RBM47: variants seen among roughly 807,000 people sequenced by gnomAD.
RBM47 encodes RNA binding motif protein 47, also known as RNA-binding protein 47.
In RBM47, 21 loss-of-function variants were observed where a neutral mutation model predicts 47.1. That is an observed-to-expected ratio of 0.45 (90% confidence interval 0.32 to 0.64). RBM47 has a LOEUF of 0.64. RBM47 is among the 30% of genes least tolerant of loss of function. The probability of loss-of-function intolerance (pLI) is 0.05; values close to 1 mark genes in which losing one functional copy is unlikely to be tolerated. For missense variants in RBM47, 708 were observed against 870.9 expected (o/e 0.81, Z 2.35); for synonymous variants, 375 against 361.7 (o/e 1.04, Z -0.42).
At chr4:40,545,368 A>AAGAG (rs923954999) in intron 1 of RBM47, among the ~76,000 whole-genome samples, 7 of 146,380 alleles carry the variant, frequency 4.8e-5, no homozygotes, top group African/African-American at 1.7e-4. Context: ...CTGTCTTTAA[A>AAGAG]AGAGAGAGAG....
At chr4:40,469,728 C>T (rs1265249919) in intron 2 of RBM47, among the ~76,000 whole-genome samples, 2 of 151,948 alleles carry the variant, frequency 1.3e-5, no homozygotes, top group African/African-American at 4.8e-5. Context: ...TCCTGTGTTA[C>T]TTGAATAGCC....
chr4:40,553,778 C>T lies in RBM47; in HGVS notation c.-239-9272G>A, dbSNP rs79651019. On this transcript the variant is annotated intron_variant, in intron 1 of 6. Coordinates refer to ENST00000295971, the MANE Select transcript of RBM47 (RefSeq NM_001098634.2). ...CCCCTGGTTGGAGAGATAATAAGCC[C>T]TTAATCAAACCTGTTCCAAGACTTT... 9.5e-3 allele frequency among the ~76,000 whole-genome samples: 1,453 copies of T among 152,168 alleles called. 33 individuals are homozygous for T. The highest frequency in any genetic ancestry group is 0.033 in the African/African-American group (1,390 of 41,500).
chr4:40,432,809 G>A lies in RBM47; in HGVS notation c.1384C>T (p.Pro462Ser), dbSNP rs1488048190. 3 of 1,613,798 alleles carry A rather than the reference G, an allele frequency of 1.9e-6. No homozygotes were observed. The highest frequency in any genetic ancestry group is 2.7e-5 in the African/African-American group (2 of 74,878). ...ATTTTGCCATCTTCAATCATTTTAG[G>A]GGCTGGAGCTGCTGGAAACATGGAA... ...QYSMFPAAPA[P>S]KMIEDGKIHT... is the part of the protein sequence containing the mutation. The change falls in exon 6 of 7, where the codon CCT (proline) becomes TCT (serine). Residue 462 changes from proline to serine, a missense_variant. By Grantham distance (74) the Pro-to-Ser change is moderately conservative. Coordinates refer to ENST00000295971, the MANE Select transcript of RBM47 (RefSeq NM_001098634.2).
chr4:40,535,990 T>C (rs987406993), intron 2 of RBM47, among the ~76,000 whole-genome samples: 5 of 152,246 alleles, frequency 3.3e-5, no homozygotes, highest in Non-Finnish European at 7.3e-5. Context: ...CGTGAGCCAC[T>C]GCGCCCAGCC....
At chr4:40,514,999 T>C (rs1398091025) in intron 2 of RBM47, among the ~76,000 whole-genome samples, 1 of 152,218 alleles carries the variant, frequency 6.6e-6, no homozygotes, top group Non-Finnish European at 1.5e-5. Flanking sequence ...CATCTCCACA[T>C]TGACCACATA....
intron 5 of RBM47, among the ~76,000 whole-genome samples, chr4:40,433,497 A>C (rs1490584949): frequency 6.6e-6 from 1 of 152,172 alleles, no homozygotes; most frequent in African/African-American, 2.4e-5. Flanking sequence ...TGTCCTACTG[A>C]GCAAGAAAGG....
intron 1 of RBM47, among the ~76,000 whole-genome samples, chr4:40,559,439 C>T (rs1345703373): frequency 6.6e-6 from 1 of 152,230 alleles, no homozygotes; most frequent in African/African-American, 2.4e-5. Flanking sequence ...AGAGAAGCTG[C>T]ATTTTCTCCC....
At chr4:40,596,989 G>A (rs1054132433) in intron 1 of RBM47, among the ~76,000 whole-genome samples, 5 of 152,140 alleles carry the variant, frequency 3.3e-5, no homozygotes, top group East Asian at 1.9e-4. Flanking sequence ...GGCCGGGCGC[G>A]ATGGCTCACG....
At chr4:40,532,869 C>G (rs1727550061) in intron 2 of RBM47, among the ~76,000 whole-genome samples, 1 of 152,114 alleles carries the variant, frequency 6.6e-6, no homozygotes, top group South Asian at 2.1e-4. Flanking sequence ...CTAGGCTATA[C>G]CAGTAGCTTA....
At position 40,501,044 on chromosome 4, in the gene RBM47, TA is replaced by T. The variant is rs981761729; in HGVS notation, c.-154-34346del. Reference sequence around the variant, plus strand: ...TGTTCTTCATTAAGTTCCTCAATGTTAAAAAAAAAAACAAAACAGCAATATA... The same window carrying T: ...TGTTCTTCATTAAGTTCCTCAATGTTAAAAAAAAAACAAAACAGCAATATA... On this transcript the variant is annotated intron_variant, in intron 2 of 6. Coordinates refer to ENST00000295971, the MANE Select transcript of RBM47 (RefSeq NM_001098634.2). Among the ~76,000 whole-genome samples the T allele has an allele frequency of 6.0e-4, 87 of 145,660 alleles. No individual in the cohort carries two copies. The South Asian group carries it at 6.3e-3, about 11-fold the overall frequency.
chr4:40,465,160 C>G (rs915849977), intron 3 of RBM47, among the ~76,000 whole-genome samples: 1 of 152,056 alleles, frequency 6.6e-6, no homozygotes, highest in African/African-American at 2.4e-5. Flanking sequence ...GACAAAGTAC[C>G]TATTTTCTCT....
At chr4:40,513,863 C>T (rs886245232) in intron 2 of RBM47, among the ~76,000 whole-genome samples, 2 of 151,964 alleles carry the variant, frequency 1.3e-5, no homozygotes, top group African/African-American at 2.4e-5. Flanking sequence ...GGACTACCGG[C>T]GCACACCACC....
Position 40,437,397 on chromosome 4 carries a change from A to C in RBM47, c.1123+374T>G, listed in dbSNP as rs573107085. ...TTATATCCTAATCAGTGATAACAAA[A>C]AACAAAATTAAAAATCACGGACTCC... On this transcript the variant is annotated intron_variant, in intron 4 of 6. Coordinates refer to ENST00000295971, the MANE Select transcript of RBM47 (RefSeq NM_001098634.2). Among the ~76,000 whole-genome samples the C allele has an allele frequency of 6.6e-5, 10 of 151,148 alleles. No homozygotes were observed. In the South Asian group the frequency reaches 2.1e-3, roughly 32 times the overall value.
intron 2 of RBM47, among the ~76,000 whole-genome samples, chr4:40,513,371 A>G (rs561533686): frequency 2.7e-4 from 41 of 152,332 alleles, no homozygotes; most frequent in African/African-American, 9.1e-4. Flanking sequence ...TTATACTGCA[A>G]CACTTTTCCC....
intron 1 of RBM47, among the ~76,000 whole-genome samples, chr4:40,596,439 T>C (rs944141318): frequency 3.9e-5 from 6 of 152,168 alleles, no homozygotes; most frequent in Non-Finnish European, 8.8e-5. Flanking sequence ...CTCAGTGTAG[T>C]GTGTGTGCCT....
chr4:40,460,951 T>C (rs1717050525), intron 3 of RBM47, among the ~76,000 whole-genome samples: 1 of 151,782 alleles, frequency 6.6e-6, no homozygotes, highest in Non-Finnish European at 1.5e-5. Context: ...AAAATCAGTT[T>C]TCCCAGTCTC....
At chr4:40,445,356 A>G (rs1714380451) in intron 3 of RBM47, among the ~76,000 whole-genome samples, 1 of 152,096 alleles carries the variant, frequency 6.6e-6, no homozygotes, top group South Asian at 2.1e-4. Flanking sequence ...TCCAATGGCC[A>G]AATTTATGAG....
rs770339842 is a variant in RBM47, at chr4:40,436,598, T to C, written c.1173A>G (p.Pro391=). 1.8e-4 allele frequency: 297 copies of C among 1,614,058 alleles called. 1 individual carries two copies. Among genetic ancestry groups the C allele is most frequent in the Non-Finnish European group, 2.3e-4 (276 of 1,180,036 alleles). ...RGRGAAGNRA[P]GPRGSYLGGY... ...CCCCGAGGTAGGAACCCCTAGGCCC[T>C]GGGGCTCTGTTGCCAGCTGCACCTC... Residue 391 remains proline, a synonymous_variant, in exon 5 of 7, where the codon CCA becomes CCG. Transcript: ENST00000295971.
chr4:40,484,915 CACA>C (rs1413861756), intron 2 of RBM47, among the ~76,000 whole-genome samples: 1 of 152,196 alleles, frequency 6.6e-6, no homozygotes, highest in Non-Finnish European at 1.5e-5. Flanking sequence ...CCTGTTTCAT[CACA>C]ACATTGCCTA....
Sources: gnomAD v4.1 joint callset for allele counts (sites outside exome capture counted in the v4.1 genomes callset) on GRCh38, gnomAD v4.1.1 for gene constraint, MANE v1.5 for transcripts, NCBI Gene and HGNC (gene_info 2026-07-23, HGNC 2026-07-21) for gene names.